NCAM2: variants seen among roughly 807,000 people sequenced by gnomAD.
NCAM2 encodes the protein neural cell adhesion molecule 2, also known as N-CAM-2.
Under a neutral mutation model 98.1 loss-of-function variants are expected in NCAM2, and 30 were observed. The observed-to-expected ratio is 0.31, with a 90% confidence interval of 0.23 to 0.41. The LOEUF is 0.41. Among genes scored for constraint, NCAM2 ranks in the 10% least tolerant of loss-of-function variants. NCAM2 has a pLI of 1.00. For synonymous variants in NCAM2, 368 were observed against 342.4 expected (o/e 1.07, Z -0.83); for missense variants, 867 against 1,005.8 (o/e 0.86, Z 1.87).
intron 1 of NCAM2, among the ~76,000 whole-genome samples, chr21:21,274,267 A>C (rs1419574106): frequency 6.6e-6 from 1 of 152,152 alleles, no homozygotes; most frequent in Non-Finnish European, 1.5e-5. Context: ...AAGATCAAAG[A>C]GGTTTGAGTA....
At chr21:21,290,357 C>T (rs1260400529) in intron 4 of NCAM2, among the ~76,000 whole-genome samples, 1 of 151,780 alleles carries the variant, frequency 6.6e-6, no homozygotes, top group African/African-American at 2.4e-5. Context: ...TGAACACACA[C>T]TTTAAGAGAG....
intron 1 of NCAM2, among the ~76,000 whole-genome samples, chr21:21,200,986 A>C (rs1228132914): frequency 6.6e-6 from 1 of 152,044 alleles, no homozygotes; most frequent in African/African-American, 2.4e-5. Flanking sequence ...ATAATTGGAG[A>C]ATACTTTTTT....
chr21:21,427,238 T>C (rs1012514011), intron 11 of NCAM2, among the ~76,000 whole-genome samples: 1 of 149,876 alleles, frequency 6.7e-6, no homozygotes, highest in Non-Finnish European at 1.5e-5. Context: ...AAAAAAGAGA[T>C]CTTTATAATT....
chr21:21,331,517 C>CTCTCTCTCTCTCTATA (rs1483062198), intron 6 of NCAM2, among the ~76,000 whole-genome samples: 2 of 6,936 alleles, frequency 2.9e-4, no homozygotes, highest in East Asian at 2.3e-3. Context: ...CTCTCTCTCT[C>CTCTCTCTCTCTCTATA]TATATATATA....
At chr21:21,150,798 T>C (rs1048783286) in intron 1 of NCAM2, among the ~76,000 whole-genome samples, 5 of 151,890 alleles carry the variant, frequency 3.3e-5, no homozygotes, top group Non-Finnish European at 7.4e-5. Context: ...GGTATAAAGA[T>C]AATGATATTT....
At chr21:21,192,665 A>G (rs2068862105) in intron 1 of NCAM2, among the ~76,000 whole-genome samples, 1 of 152,198 alleles carries the variant, frequency 6.6e-6, no homozygotes. Flanking sequence ...GTAACAAACA[A>G]ACAAATGAAA....
Position 21,191,140 on chromosome 21 carries a change from TAGAG to T in NCAM2, c.56-89435_56-89432del, listed in dbSNP as rs148950972. 3.4e-3 allele frequency among the ~76,000 whole-genome samples: 513 copies of T among 152,314 alleles called. 5 individuals carry two copies. The highest frequency in any genetic ancestry group is 0.012 in the African/African-American group (490 of 41,560). On this transcript the variant is annotated intron_variant, in intron 1 of 17. Transcript: ENST00000400546. ...CCCTTTAGCAATGAATGATAGTTTA[TAGAG>T]AGTCAACCACTTTGAAAGTTATTTG...
At chr21:21,487,037 G>A (rs1050813396) in intron 15 of NCAM2, among the ~76,000 whole-genome samples, 5 of 152,000 alleles carry the variant, frequency 3.3e-5, no homozygotes, top group Non-Finnish European at 5.9e-5. Flanking sequence ...CTCAGAGATG[G>A]TAAAATAATA....
chr21:21,295,587 A>G (rs2073447599), intron 5 of NCAM2, among the ~76,000 whole-genome samples: 1 of 151,768 alleles, frequency 6.6e-6, no homozygotes, highest in Non-Finnish European at 1.5e-5. Flanking sequence ...AGAAAACATC[A>G]CATATTTTCT....
intron 15 of NCAM2, among the ~76,000 whole-genome samples, chr21:21,479,353 G>A (rs1380857216): frequency 3.3e-5 from 5 of 151,708 alleles, no homozygotes; most frequent in African/African-American, 1.2e-4. Flanking sequence ...AGAGGCCCAG[G>A]TGGGCGGATC....
At chr21:21,260,320 A>T (rs2071846978) in intron 1 of NCAM2, among the ~76,000 whole-genome samples, 2 of 152,092 alleles carry the variant, frequency 1.3e-5, no homozygotes, top group African/African-American at 4.8e-5. Flanking sequence ...TCCTAGAGAG[A>T]TAGATATCCA....
chr21:21,485,700 A>G (rs1986290054), intron 15 of NCAM2, among the ~76,000 whole-genome samples: 1 of 152,190 alleles, frequency 6.6e-6, no homozygotes, highest in African/African-American at 2.4e-5. Flanking sequence ...TATTTAGGAC[A>G]ATAGGAAACA....
At position 21,209,317 on chromosome 21, in the gene NCAM2, G is replaced by A. The variant is rs75427415; in HGVS notation, c.56-71261G>A. On this transcript the variant is annotated intron_variant, in intron 1 of 17. Coordinates refer to ENST00000400546, the MANE Select transcript of NCAM2 (RefSeq NM_004540.5). ...CACAGCCTCGAACTTCTAGACTCAA[G>A]TAATCCTCCTGTCTCATCTTCCCAG... Among the ~76,000 whole-genome samples, 1,561 of 152,266 alleles carry A rather than the reference G, an allele frequency of 0.01. 64 individuals are homozygous for A. In the East Asian group the frequency reaches 0.16, roughly 15 times the overall value.
At chr21:21,130,245 T>C (rs1298181606) in intron 1 of NCAM2, among the ~76,000 whole-genome samples, 1 of 152,210 alleles carries the variant, frequency 6.6e-6, no homozygotes, top group East Asian at 1.9e-4. Flanking sequence ...TGACATCATC[T>C]AGCAGTTGGT....
intron 1 of NCAM2, among the ~76,000 whole-genome samples, chr21:21,160,987 T>G (rs1187623635): frequency 6.6e-6 from 1 of 152,034 alleles, no homozygotes; most frequent in Non-Finnish European, 1.5e-5. Context: ...ATACGTAAGA[T>G]CACTCCATAC....
intron 13 of NCAM2, 74 bp from the exon 14 acceptor site, chr21:21,468,588 C>G (rs775568511): frequency 1.6e-5 from 23 of 1,415,552 alleles, no homozygotes; most frequent in Non-Finnish European, 2.2e-5. Flanking sequence ...CATTACTGTT[C>G]TTTTTATTAA....
At chr21:21,176,048 A>T (rs2068277772) in intron 1 of NCAM2, among the ~76,000 whole-genome samples, 1 of 152,210 alleles carries the variant, frequency 6.6e-6, no homozygotes, top group South Asian at 2.1e-4. Flanking sequence ...ATGTTCTGTG[A>T]GTTACCAAGA....
At chr21:21,216,838 TGGGTAATA>T (rs2069923188) in intron 1 of NCAM2, among the ~76,000 whole-genome samples, 1 of 152,144 alleles carries the variant, frequency 6.6e-6, no homozygotes, top group Non-Finnish European at 1.5e-5. Context: ...GGGAAAACCC[TGGGTAATA>T]GGCCAGAGCC....
At chr21:21,303,014 C>G (rs904080363) in intron 5 of NCAM2, among the ~76,000 whole-genome samples, 3 of 151,778 alleles carry the variant, frequency 2.0e-5, no homozygotes, top group Non-Finnish European at 4.4e-5. Context: ...AAACCAATAC[C>G]ACATATTTTC....
Sources: allele counts gnomAD v4.1 joint callset (sites outside exome capture counted in the v4.1 genomes callset), GRCh38; gene constraint gnomAD v4.1.1; transcripts MANE v1.5; gene names NCBI Gene and HGNC (gene_info 2026-07-23, HGNC 2026-07-21).